The following DCLK1 variants were observed in gnomAD, a reference collection of about 807,000 sequenced individuals.
The protein encoded by DCLK1 is serine/threonine-protein kinase DCLK1.
DCLK1 carries 16 observed loss-of-function variants against 86.2 expected under a neutral mutation model. The ratio of observed to expected loss-of-function variants is 0.19; its 90% CI spans 0.13 to 0.28. DCLK1 has a LOEUF of 0.28. DCLK1 is among the 10% of genes least tolerant of loss of function. The probability of loss-of-function intolerance (pLI) is 1.00; values close to 1 mark genes in which losing one functional copy is unlikely to be tolerated. For synonymous variants in DCLK1, 369 were observed against 370.5 expected (o/e 1.00, Z 0.05); for missense variants, 590 against 940.2 (o/e 0.63, Z 4.87).
At chr13:35,902,421 A>C (rs115094179) in intron 4 of DCLK1, among the ~76,000 whole-genome samples, 1,648 of 152,284 alleles carry the variant, frequency 0.011, 36 homozygotes, top group African/African-American at 0.037. Context: ...CCCACCTCAA[A>C]TCAACTTTTC....
intron 3 of DCLK1, among the ~76,000 whole-genome samples, chr13:36,033,823 G>A (rs1432372894): frequency 6.6e-6 from 1 of 152,186 alleles, no homozygotes; most frequent in Non-Finnish European, 1.5e-5. Context: ...TACTAGGGAG[G>A]CTGAGGCAGG....
upstream of DCLK1, among the ~76,000 whole-genome samples, chr13:36,131,476 C>T (rs1010109454): frequency 2.0e-5 from 3 of 152,058 alleles, no homozygotes; most frequent in African/African-American, 4.8e-5. Context: ...GTGCGCGCCC[C>T]GTCGCCCCCG....
intron 3 of DCLK1, among the ~76,000 whole-genome samples, chr13:36,105,421 G>T: frequency 6.6e-6 from 1 of 151,956 alleles, no homozygotes; most frequent in Non-Finnish European, 1.5e-5. Flanking sequence ...GTTTCATTTA[G>T]TCCTCATGAC....
chr13:35,914,715 CAA>C (rs575665168), intron 4 of DCLK1, among the ~76,000 whole-genome samples: 39 of 105,046 alleles, frequency 3.7e-4, no homozygotes, highest in Admixed American at 3.1e-4. Context: ...GATTCTATCT[CAA>C]AAAAAAAAAA....
intron 6 of DCLK1, chr13:35,846,259 T>C (rs773635228): frequency 2.5e-4 from 249 of 984,818 alleles, no homozygotes; most frequent in Non-Finnish European, 2.9e-4. Context: ...ACAACATTCA[T>C]AATATATTTC....
intron 4 of DCLK1, among the ~76,000 whole-genome samples, chr13:35,912,289 G>A (rs1269299654): frequency 6.6e-6 from 1 of 152,162 alleles, no homozygotes; most frequent in Non-Finnish European, 1.5e-5. Flanking sequence ...GAGCCAAAAA[G>A]CCACAGCACA....
intron 3 of DCLK1, among the ~76,000 whole-genome samples, chr13:36,044,788 T>C (rs559517942): frequency 2.0e-5 from 3 of 152,024 alleles, no homozygotes; most frequent in Admixed American, 2.0e-4. Flanking sequence ...ACGTTAAAAA[T>C]CTAAACATGA....
At chr13:35,902,498 C>T (rs188503555) in intron 4 of DCLK1, among the ~76,000 whole-genome samples, 107 of 152,192 alleles carry the variant, frequency 7.0e-4, no homozygotes, top group African/African-American at 2.2e-3. Context: ...AGGTGATTTG[C>T]GGGCAGAAGC....
intron 3 of DCLK1, among the ~76,000 whole-genome samples, chr13:36,031,093 T>C (rs1456762233): frequency 6.6e-6 from 1 of 152,212 alleles, no homozygotes; most frequent in Non-Finnish European, 1.5e-5. Flanking sequence ...TTGCTCAGAC[T>C]CCGTCTCTGG....
At chr13:36,071,305 C>T (rs1399185493) in intron 3 of DCLK1, among the ~76,000 whole-genome samples, 1 of 152,038 alleles carries the variant, frequency 6.6e-6, no homozygotes, top group Admixed American at 6.5e-5. Context: ...CTACAAAATA[C>T]AACTTCATTT....
chr13:35,894,231 G>A (rs886617706), intron 4 of DCLK1, among the ~76,000 whole-genome samples: 13 of 152,098 alleles, frequency 8.5e-5, no homozygotes, highest in Non-Finnish European at 1.3e-4. Context: ...TCCCCAACAT[G>A]CATGACCTTA....
At chr13:36,130,118 T>C in intron 1 of DCLK1, among the ~76,000 whole-genome samples, 1 of 152,070 alleles carries the variant, frequency 6.6e-6, no homozygotes, top group East Asian at 1.9e-4. Context: ...GACGTAGACA[T>C]CACAGGGTGT....
At chr13:35,792,092 A>G (rs2086716609) in intron 16 of DCLK1, among the ~76,000 whole-genome samples, 1 of 152,240 alleles carries the variant, frequency 6.6e-6, no homozygotes, top group African/African-American at 2.4e-5. Flanking sequence ...AATTAAAGAT[A>G]GAGGGCAAGA....
At chr13:36,079,432 C>T (rs1482615493) in intron 3 of DCLK1, among the ~76,000 whole-genome samples, 4 of 151,924 alleles carry the variant, frequency 2.6e-5, no homozygotes, top group Non-Finnish European at 5.9e-5. Context: ...GAGTTTGAGA[C>T]CAGCCTGGCC....
At chr13:35,971,788 T>C (rs1367435075) in intron 3 of DCLK1, among the ~76,000 whole-genome samples, 2 of 151,370 alleles carry the variant, frequency 1.3e-5, no homozygotes, top group Non-Finnish European at 2.9e-5. Flanking sequence ...AATTCCATAG[T>C]AAAGGCACTC....
At chr13:36,112,419 A>G (rs938708521) in intron 2 of DCLK1, among the ~76,000 whole-genome samples, 2 of 152,130 alleles carry the variant, frequency 1.3e-5, no homozygotes, top group Non-Finnish European at 2.9e-5. Context: ...CACATCCTGG[A>G]AAAACAAAAC....
intron 5 of DCLK1, among the ~76,000 whole-genome samples, chr13:35,866,734 C>T (rs897597707): frequency 1.3e-4 from 19 of 151,552 alleles, no homozygotes; most frequent in African/African-American, 4.6e-4. Flanking sequence ...ATTAAAAAAT[C>T]AGGTGGTAGT....
chr13:36,081,772 A>G lies in DCLK1; in HGVS notation c.723+30097T>C, dbSNP rs142587149. On this transcript the variant is annotated intron_variant, in intron 3 of 16. Coordinates refer to ENST00000360631, the MANE Select transcript of DCLK1 (RefSeq NM_001330071.2). ...ACTTCTTCTGGGAAAAATAACATTT[A>G]TTCAACTTAAGTAGAAAAATTGTGG... Among the ~76,000 whole-genome samples the G allele has an allele frequency of 1.2e-3, 181 of 152,336 alleles. 1 individual carries two copies. Among genetic ancestry groups the G allele is most frequent in the African/African-American group, 4.2e-3 (174 of 41,574 alleles).
intron 4 of DCLK1, among the ~76,000 whole-genome samples, chr13:35,875,949 AC>A (rs1387676652): frequency 1.3e-5 from 2 of 152,162 alleles, no homozygotes; most frequent in East Asian, 3.9e-4. Flanking sequence ...TGGCTTCCTC[AC>A]TACCCCCAGT....
Sources: allele counts gnomAD v4.1 joint callset (sites outside exome capture counted in the v4.1 genomes callset), GRCh38; gene constraint gnomAD v4.1.1; transcripts MANE v1.5; gene names NCBI Gene and HGNC (gene_info 2026-07-23, HGNC 2026-07-21).